MED13L: variants seen among roughly 807,000 people sequenced by gnomAD.
MED13L encodes mediator of RNA polymerase II transcription subunit 13-like.
Under a neutral mutation model 220.9 loss-of-function variants are expected in MED13L, and 7 were observed. That is an observed-to-expected ratio of 0.03 (90% CI 0.02 to 0.06). MED13L has a LOEUF of 0.06. MED13L is among the 10% of genes least tolerant of loss of function. MED13L has a pLI of 1.00. For synonymous variants in MED13L, 1,011 were observed against 1,015.2 expected (o/e 1.00, Z 0.08); for missense variants, 1,965 against 2,760.5 (o/e 0.71, Z 6.46).
Position 116,007,404 on chromosome 12 carries a change from A to T in MED13L, c.2238+7T>A. On this transcript the variant is annotated splice_region_variant and intron_variant, in intron 11 of 30. Transcript: ENST00000281928. Reference sequence around the variant, plus strand: ...CCATGCTGGACTCTCTCTCTGTTAAATGGTACCTTATTCTTTTTCAGGGAA... The same window carrying T: ...CCATGCTGGACTCTCTCTCTGTTAATTGGTACCTTATTCTTTTTCAGGGAA... 2 of 1,605,440 alleles carry T rather than the reference A, an allele frequency of 1.2e-6. No individual in the cohort carries two copies. The highest frequency in any genetic ancestry group is 1.7e-6 in the Non-Finnish European group (2 of 1,172,138).
intron 4 of MED13L, among the ~76,000 whole-genome samples, chr12:116,067,251 CTG>C (rs1314628123): frequency 2.0e-5 from 3 of 152,152 alleles, no homozygotes; most frequent in East Asian, 1.9e-4. Context: ...ATGTGTACCT[CTG>C]TATTTCATTC....
intron 2 of MED13L, among the ~76,000 whole-genome samples, chr12:116,140,158 C>G (rs1876935387): frequency 6.6e-6 from 1 of 152,058 alleles, no homozygotes; most frequent in African/African-American, 2.4e-5. Context: ...CCCCCTTTCC[C>G]AGCATGCTCT....
chr12:116,185,483 C>A (rs1036354188), intron 2 of MED13L, among the ~76,000 whole-genome samples: 2 of 151,784 alleles, frequency 1.3e-5, no homozygotes, highest in African/African-American at 4.8e-5. Flanking sequence ...TAATACCTGA[C>A]GAAAATCAAC....
At chr12:116,110,030 G>A (rs542480477) in intron 3 of MED13L, 1 of 152,298 alleles carries the variant, frequency 6.6e-6, no homozygotes, top group East Asian at 1.9e-4. Flanking sequence ...AGTCCTCACA[G>A]CTTTGATTAC....
chr12:116,007,489 A>G lies in MED13L; in HGVS notation c.2160T>C (p.Asp720=). Residue 720 remains aspartate, a synonymous_variant, in exon 11 of 31, where the codon GAT becomes GAC. Transcript: ENST00000281928. Reference sequence around the variant, plus strand: ...CTGTAAAGATGTATTTTATGTCACCATCTTCAAAGGTATATGGGTCATTCA... The same window carrying G: ...CTGTAAAGATGTATTTTATGTCACCGTCTTCAAAGGTATATGGGTCATTCA... ...GEVNDPYTFE[D]GDIKYIFTAN... The G allele has an allele frequency of 1.2e-6, 2 of 1,613,926 alleles. No homozygotes were observed. Among genetic ancestry groups the G allele is most frequent in the African/African-American group, 2.7e-5 (2 of 74,974 alleles).
chr12:116,079,065 A>G (rs1273107966), intron 4 of MED13L, among the ~76,000 whole-genome samples: 1 of 152,238 alleles, frequency 6.6e-6, no homozygotes, highest in Non-Finnish European at 1.5e-5. Flanking sequence ...CAGATATTAA[A>G]GAAATTTGCA....
intron 4 of MED13L, among the ~76,000 whole-genome samples, chr12:116,038,011 C>T (rs1053110143): frequency 1.4e-4 from 21 of 152,132 alleles, no homozygotes; most frequent in African/African-American, 5.1e-4. Context: ...CCTGAGGTTA[C>T]TAAACTAGCC....
At chr12:116,162,398 T>A (rs911730524) in intron 2 of MED13L, among the ~76,000 whole-genome samples, 2 of 152,170 alleles carry the variant, frequency 1.3e-5, no homozygotes, top group African/African-American at 4.8e-5. Flanking sequence ...CTAAATGAGT[T>A]TTAATTTTGT....
chr12:115,991,801 T>C lies in MED13L; in HGVS notation c.3153A>G (p.Pro1051=). The part of the protein sequence containing the change: ...PATPRFSVPT[P]RTPRTPRTPR... ...GAGTTCTTGGGGTCCTGGGGGTTCGTGGTGTGGGGACAGAGAAGCGAGGGG... is the reference window on the plus strand; with the variant it reads ...GAGTTCTTGGGGTCCTGGGGGTTCGCGGTGTGGGGACAGAGAAGCGAGGGG... The change falls in exon 17 of 31, where the codon CCA becomes CCG. Residue 1051 remains proline (P), a synonymous_variant. Transcript: ENST00000281928. This position sits in a 1 kb window ranked among gnomAD's most constrained non-coding sequence, Gnocchi z 7.7. 1.2e-6 allele frequency: 2 copies of C among 1,613,538 alleles called. No individual in the cohort carries two copies. The highest frequency in any genetic ancestry group is 1.7e-6 in the Non-Finnish European group (2 of 1,179,922).
Position 116,031,720 on chromosome 12 carries a change from GAAAA to G in MED13L, c.480-9123_480-9120del, listed in dbSNP as rs1566020590. Among the ~76,000 whole-genome samples, 544 of 62,186 alleles carry G rather than the reference GAAAA, an allele frequency of 8.7e-3. 27 individuals are homozygous for G. The highest frequency in any genetic ancestry group is 0.039 in the African/African-American group (499 of 12,646). The allele number at this position is 62,186 out of a possible 152,430, so 40.8% of individuals were successfully genotyped here. On this transcript the variant is annotated intron_variant, in intron 4 of 30. Coordinates refer to ENST00000281928, the MANE Select transcript of MED13L (RefSeq NM_015335.5). ...GAAAAGAAAAGAAAAGAAAAGAAAA[GAAAA>G]GAAAAGAAAAGAAAAGAAAAGAAAA...
At chr12:116,252,601 GGAA>G (rs1343062488) in intron 1 of MED13L, among the ~76,000 whole-genome samples, 2 of 151,586 alleles carry the variant, frequency 1.3e-5, no homozygotes, top group African/African-American at 2.4e-5. Flanking sequence ...AGCTATAAAA[GGAA>G]GAAGAAATTA....
chr12:116,251,412 G>A (rs1324503514), intron 1 of MED13L, among the ~76,000 whole-genome samples: 4 of 135,372 alleles, frequency 3.0e-5, no homozygotes, highest in South Asian at 2.4e-4. Flanking sequence ...CACCCGCCTC[G>A]GTCTCCCAAA....
intron 4 of MED13L, among the ~76,000 whole-genome samples, chr12:116,036,546 T>C (rs1592973269): frequency 6.6e-6 from 1 of 152,224 alleles, no homozygotes; most frequent in African/African-American, 2.4e-5. Context: ...TGAATATTAA[T>C]ACACTCCTTT....
intron 2 of MED13L, among the ~76,000 whole-genome samples, chr12:116,192,073 T>C (rs1881324819): frequency 6.6e-6 from 1 of 152,184 alleles, no homozygotes; most frequent in African/African-American, 2.4e-5. Flanking sequence ...GTTAAATTTT[T>C]TTAAGATTTA....
intron 1 of MED13L, among the ~76,000 whole-genome samples, chr12:116,271,545 G>C (rs1028025626): frequency 1.3e-5 from 2 of 150,802 alleles, no homozygotes; most frequent in Non-Finnish European, 1.5e-5. Context: ...AGAATGGCAC[G>C]AACCCGGGAG....
intron 23 of MED13L, among the ~76,000 whole-genome samples, chr12:115,976,545 T>C (rs886174421): frequency 1.3e-5 from 2 of 152,232 alleles, no homozygotes; most frequent in African/African-American, 2.4e-5. Context: ...ATTTGCTTCT[T>C]GCACTTGTTA....
intron 1 of MED13L, among the ~76,000 whole-genome samples, chr12:116,272,846 T>C (rs747104437): frequency 3.3e-5 from 5 of 152,336 alleles, no homozygotes; most frequent in Non-Finnish European, 7.3e-5. Context: ...TTGCTGTCTA[T>C]TATGTACTTA....
intron 3 of MED13L, among the ~76,000 whole-genome samples, chr12:116,108,192 C>T (rs998005156): frequency 6.6e-6 from 1 of 151,714 alleles, no homozygotes; most frequent in Admixed American, 6.6e-5. Flanking sequence ...AATGAAAAGG[C>T]ATAACAGAAA....
intron 2 of MED13L, among the ~76,000 whole-genome samples, chr12:116,197,869 G>T (rs1326468461): frequency 6.6e-6 from 1 of 151,808 alleles, no homozygotes; most frequent in Non-Finnish European, 1.5e-5. Context: ...AATCAAAGTA[G>T]TGTAACATTT....
Sources: allele counts gnomAD v4.1 joint callset (sites outside exome capture counted in the v4.1 genomes callset), GRCh38; gene constraint gnomAD v4.1.1; non-coding constraint Gnocchi (gnomAD v3.1); transcripts MANE v1.5; gene names NCBI Gene and HGNC (gene_info 2026-07-23, HGNC 2026-07-21).